Variants in SNTG1 observed in about 807,000 individuals in gnomAD.
SNTG1 encodes syntrophin gamma 1, also known as gamma-1-syntrophin.
In SNTG1, 39 loss-of-function variants were observed where a neutral mutation model predicts 74.7. That is an observed-to-expected ratio of 0.52 (90% CI 0.40 to 0.68). The LOEUF (loss-of-function observed/expected upper bound fraction) is 0.68. Among genes scored for constraint, SNTG1 ranks in the 30% least tolerant of loss-of-function variants. The probability of loss-of-function intolerance (pLI) is 0.00; values close to 1 mark genes in which losing one functional copy is unlikely to be tolerated. For missense variants in SNTG1, 685 were observed against 609.5 expected (o/e 1.12, Z -1.30); for synonymous variants, 254 against 217.1 (o/e 1.17, Z -1.49).
At chr8:50,437,211 T>G (rs1487757826) in intron 4 of SNTG1, among the ~76,000 whole-genome samples, 1 of 152,182 alleles carries the variant, frequency 6.6e-6, no homozygotes, top group Non-Finnish European at 1.5e-5. Flanking sequence ...GCTACTCATT[T>G]GCATTCAATA....
intron 1 of SNTG1, among the ~76,000 whole-genome samples, chr8:49,933,418 T>G (rs1002623578): frequency 6.6e-6 from 1 of 152,208 alleles, no homozygotes; most frequent in African/African-American, 2.4e-5. Context: ...GAGCTCAAGA[T>G]TCATTCCTAA....
At chr8:50,438,684 A>G in intron 5 of SNTG1, 85 bp downstream of exon 5, 2 of 1,165,036 alleles carry the variant, frequency 1.7e-6, no homozygotes, top group African/African-American at 3.1e-5. Context: ...CTGATTAATA[A>G]TTAGACAAGG....
intron 3 of SNTG1, among the ~76,000 whole-genome samples, chr8:50,397,662 A>T (rs2092744660): frequency 6.6e-6 from 1 of 152,196 alleles, no homozygotes; most frequent in Non-Finnish European, 1.5e-5. Flanking sequence ...AAAATTATCC[A>T]CACCCCATTA....
rs146770513 is a variant in SNTG1, at chr8:50,782,811, C to T, written c.1396-9860C>T. ...TTTTAGAGTTTCTAGTTTTTCTCCT[C>T]TGTTTTTCCCCATCTTTGTGGTTTT... On this transcript the variant is annotated intron_variant, in intron 18 of 18. Coordinates refer to ENST00000642720, the MANE Select transcript of SNTG1 (RefSeq NM_018967.5). Among the ~76,000 whole-genome samples the T allele has an allele frequency of 2.3e-3, 357 of 152,290 alleles. 4 individuals are homozygous for T. Among genetic ancestry groups the T allele is most frequent in the African/African-American group, 8.2e-3 (341 of 41,568 alleles).
chr8:50,170,553 G>A (rs866520898), intron 1 of SNTG1, among the ~76,000 whole-genome samples: 42 of 152,234 alleles, frequency 2.8e-4, no homozygotes, highest in South Asian at 8.3e-4. Flanking sequence ...TTTATCTCGT[G>A]TATTGGTTAT....
chr8:50,424,645 A>T (rs534102327), intron 4 of SNTG1, among the ~76,000 whole-genome samples: 3 of 152,340 alleles, frequency 2.0e-5, no homozygotes, highest in African/African-American at 7.2e-5. Flanking sequence ...GAACAGGAGG[A>T]TGTATGAGTC....
At chr8:50,473,663 C>T (rs762995093) in intron 8 of SNTG1, among the ~76,000 whole-genome samples, 1 of 152,030 alleles carries the variant, frequency 6.6e-6, no homozygotes. Flanking sequence ...TGGTGGCAAT[C>T]CAAATGTTCA....
intron 12 of SNTG1, among the ~76,000 whole-genome samples, chr8:50,571,360 T>C (rs1020558472): frequency 1.6e-4 from 25 of 152,108 alleles, no homozygotes; most frequent in Admixed American, 1.6e-3. Context: ...GGGTAATTGA[T>C]CCCCAGGTGA....
intron 2 of SNTG1, among the ~76,000 whole-genome samples, chr8:50,197,753 A>G (rs545499548): frequency 6.6e-6 from 1 of 152,266 alleles, no homozygotes; most frequent in African/African-American, 2.4e-5. Context: ...TCAAACTTGG[A>G]ACATGGTGTT....
intron 11 of SNTG1, among the ~76,000 whole-genome samples, chr8:50,538,969 T>G (rs575610391): frequency 3.9e-5 from 6 of 152,320 alleles, no homozygotes; most frequent in South Asian, 4.1e-4. Flanking sequence ...CTTCAGCCAA[T>G]TCAGCATTTT....
At chr8:49,935,856 T>TCC (rs1277127677) in intron 1 of SNTG1, among the ~76,000 whole-genome samples, 2 of 152,252 alleles carry the variant, frequency 1.3e-5, no homozygotes, top group African/African-American at 4.8e-5. Flanking sequence ...AACTTCATTC[T>TCC]CCCTTCATCT....
intron 18 of SNTG1, among the ~76,000 whole-genome samples, chr8:50,784,449 G>A (rs72645850): frequency 0.097 from 14,771 of 151,938 alleles, 779 homozygotes; most frequent in Middle Eastern, 0.13. Context: ...TACTAAAAAG[G>A]GCATTTTATA....
At chr8:50,501,622 T>A (rs7821168) in intron 8 of SNTG1, among the ~76,000 whole-genome samples, 26 of 150,672 alleles carry the variant, frequency 1.7e-4, no homozygotes, top group African/African-American at 1.7e-4. Flanking sequence ...TTTTTTTTTT[T>A]TTTTTTTGTA....
intron 4 of SNTG1, among the ~76,000 whole-genome samples, chr8:50,408,146 G>T (rs2092903215): frequency 6.6e-6 from 1 of 152,100 alleles, no homozygotes; most frequent in African/African-American, 2.4e-5. Context: ...GCAGAAATCA[G>T]GTCCCTAGCA....
At chr8:50,543,776 AGAGT>A (rs148038290) in intron 11 of SNTG1, among the ~76,000 whole-genome samples, 3,791 of 152,266 alleles carry the variant, frequency 0.025, 148 homozygotes, top group African/African-American at 0.085. Flanking sequence ...ATTGCTCTCT[AGAGT>A]GATTGTCCAA....
intron 1 of SNTG1, among the ~76,000 whole-genome samples, chr8:49,975,152 T>C (rs1483558490): frequency 6.6e-6 from 1 of 152,132 alleles, no homozygotes; most frequent in Admixed American, 6.6e-5. Flanking sequence ...TAAAGACATA[T>C]TTGGCGGAAT....
chr8:50,605,017 C>A (rs2094803080), intron 13 of SNTG1, among the ~76,000 whole-genome samples: 1 of 152,116 alleles, frequency 6.6e-6, no homozygotes, highest in Admixed American at 6.5e-5. Flanking sequence ...CCTTCTGGCC[C>A]AAGGTGTATC....
In SNTG1 at chr8:50,657,541, A is replaced by C. The variant is rs796536310; in HGVS notation, c.966+516A>C. On this transcript the variant is annotated intron_variant, in intron 14 of 18. Coordinates refer to ENST00000642720, the MANE Select transcript of SNTG1 (RefSeq NM_018967.5). ...AATTTATTATTAGCAAAGAATAATA[A>C]GGAAATTTCAAAATGATAGCATCTT... 1.8e-4 allele frequency among the ~76,000 whole-genome samples: 27 copies of C among 152,274 alleles called. 1 individual carries two copies. The East Asian group carries it at 2.9e-3, about 16-fold the overall frequency.
intron 12 of SNTG1, among the ~76,000 whole-genome samples, chr8:50,588,089 C>T (rs1427405228): frequency 6.7e-6 from 1 of 149,430 alleles, no homozygotes; most frequent in East Asian, 2.0e-4. Flanking sequence ...TGCTGCACTA[C>T]AGCCTGGGTG....
Sources: gnomAD v4.1 joint callset for allele counts (sites outside exome capture counted in the v4.1 genomes callset) on GRCh38, gnomAD v4.1.1 for gene constraint, MANE v1.5 for transcripts, NCBI Gene and HGNC (gene_info 2026-07-23, HGNC 2026-07-21) for gene names.